Variants in RMND1 observed in about 807,000 individuals in gnomAD.
RMND1 encodes the protein required for meiotic nuclear division 1 homolog, also known as required for meiotic nuclear division protein 1 homolog.
Under a neutral mutation model 54.0 loss-of-function variants are expected in RMND1, and 41 were observed. That is an observed-to-expected ratio of 0.76 (90% CI 0.59 to 0.98). The LOEUF (loss-of-function observed/expected upper bound fraction) is 0.98, where lower values mean the gene tolerates loss of function less well. RMND1 is among the 50% of genes least tolerant of loss of function. The pLI, the probability that RMND1 is intolerant of heterozygous loss-of-function variation, is 0.00. For missense variants in RMND1, 457 were observed against 532.0 expected, an observed-to-expected ratio of 0.86 and a Z score of 1.39; for synonymous variants, 183 against 181.7, an observed-to-expected ratio of 1.01 and a Z score of -0.06.
chr6:151,410,263 G>C lies in RMND1; in HGVS notation c.1201-4427C>G, dbSNP rs184976781. Among the ~76,000 whole-genome samples, 5 of 152,044 alleles carry C rather than the reference G, an allele frequency of 3.3e-5. No individual in the cohort carries two copies. In the East Asian group the frequency reaches 7.7e-4, roughly 23 times the overall value. ...GTAGAGACGGGGTCTCACCATGTTA[G>C]CCAGGATGGTCTGGATCTCCTGACC... On this transcript the variant is annotated intron_variant, in intron 10 of 11. Coordinates refer to ENST00000444024, the MANE Select transcript of RMND1 (RefSeq NM_017909.4).
chr6:151,446,795 A>T (rs1238525279), intron 1 of RMND1, among the ~76,000 whole-genome samples: 1 of 152,006 alleles, frequency 6.6e-6, no homozygotes, highest in Non-Finnish European at 1.5e-5. Flanking sequence ...CCAGCTACTC[A>T]GGTGGCTGAG....
intron 1 of RMND1, 40 bp from the exon 2 acceptor site, chr6:151,445,865 A>G: frequency 6.8e-7 from 1 of 1,463,426 alleles, no homozygotes; most frequent in South Asian, 1.4e-5. Context: ...TTTTAAATTA[A>G]TGTTTAAAAC....
In RMND1 at chr6:151,436,471, A is replaced by C; in HGVS notation, c.588T>G (p.Tyr196Ter). The C allele has an allele frequency of 1.9e-6, 3 of 1,614,048 alleles. No homozygotes were observed. Among genetic ancestry groups the C allele is most frequent in the Non-Finnish European group, 1.7e-6 (2 of 1,179,902 alleles). The change falls in exon 3 of 12, where the codon TAT (tyrosine) becomes TAG (stop). Residue 196 changes from tyrosine (Y) to a stop codon, truncating the protein, a stop_gained. Coordinates refer to ENST00000444024, the MANE Select transcript of RMND1 (RefSeq NM_017909.4). LOFTEE classifies it high-confidence loss of function. Reference sequence around the variant, plus strand: ...CTCTAGGCAAGCTTGTTACTTCAACATATCCGTGGGAGGCCAGATCTTGAG... The same window carrying C: ...CTCTAGGCAAGCTTGTTACTTCAACCTATCCGTGGGAGGCCAGATCTTGAG... Reference protein sequence around the residue: ...NLSQDLASHGYVEVTSLPRDA... With the variant: ...NLSQDLASHG
At chr6:151,438,464 C>T (rs977375206) in intron 2 of RMND1, among the ~76,000 whole-genome samples, 1 of 152,206 alleles carries the variant, frequency 6.6e-6, no homozygotes, top group African/African-American at 2.4e-5. Flanking sequence ...CTTCCTGTAG[C>T]TGTACTGAAA....
In RMND1 at chr6:151,445,737, G is replaced by A. The variant is rs761280492; in HGVS notation, c.75C>T (p.Ile25=). ...ILSKAHQCRR[I]GHLMLKPLKE... is the part of the protein sequence containing the mutation. ...TAAGTGGTTTTAACATTAGATGACCGATTCTTCGGCACTGATGTGCTTTTG... is the reference window on the plus strand; with the variant it reads ...TAAGTGGTTTTAACATTAGATGACCAATTCTTCGGCACTGATGTGCTTTTG... Residue 25 remains isoleucine (I), a synonymous_variant, in exon 2 of 12, where the codon ATC becomes ATT. Coordinates refer to ENST00000444024, the MANE Select transcript of RMND1 (RefSeq NM_017909.4). 10 of 1,613,904 alleles carry A rather than the reference G, an allele frequency of 6.2e-6. No homozygotes were observed. The highest frequency in any genetic ancestry group is 1.7e-6 in the Non-Finnish European group (2 of 1,179,988).
At position 151,423,628 on chromosome 6, in the gene RMND1, TC is replaced by T. The variant is rs781447698; in HGVS notation, c.833del (p.Gly278AspfsTer12). ...NEELNYIKIE[G>X]QSKLHRGEIK... Reference sequence around the variant, plus strand: ...TTTCCCCCCTGTGAAGTTTTGACTGTCCCCTGTGAAAAGCAAAAAGATAATA... The same window carrying T: ...TTTCCCCCCTGTGAAGTTTTGACTGTCCCTGTGAAAAGCAAAAAGATAATA... On this transcript the variant is annotated frameshift_variant and splice_region_variant, in exon 7 of 12. Coordinates refer to ENST00000444024, the MANE Select transcript of RMND1 (RefSeq NM_017909.4). LOFTEE classifies it high-confidence loss of function. 1 of 1,608,516 alleles carries T rather than the reference TC, an allele frequency of 6.2e-7. No individual in the cohort carries two copies. The highest frequency in any genetic ancestry group is 1.1e-5 in the South Asian group (1 of 90,970).
chr6:151,411,777 A>G (rs1348781068), intron 10 of RMND1: 2 of 152,182 alleles, frequency 1.3e-5, no homozygotes, highest in African/African-American at 4.8e-5. Flanking sequence ...TCAGAACACA[A>G]TGAGATCAGT....
chr6:151,446,141 G>A (rs955318623), intron 1 of RMND1: 3 of 229,168 alleles, frequency 1.3e-5, no homozygotes, highest in East Asian at 1.0e-4. Context: ...AATCTGTGCT[G>A]GCCAGGCACT....
In RMND1 at chr6:151,445,783, G is replaced by A. The variant is rs756891626; in HGVS notation, c.29C>T (p.Ala10Val). The change falls in exon 2 of 12, where the codon GCC (alanine) becomes GTC (valine). Residue 10 changes from alanine (A) to valine (V), a missense_variant. Coordinates refer to ENST00000444024, the MANE Select transcript of RMND1 (RefSeq NM_017909.4). The stretch of plus-strand genomic sequence containing the variant: ...TTTTGATAATATATGATGAGATCTG[G>A]CCACGGCTCTGAGGAGTGTGGCTGG... MPATLLRAVARSHHILSKAH... is the reference protein window; with the variant it reads MPATLLRAVVRSHHILSKAH... The A allele has an allele frequency of 1.5e-5, 24 of 1,611,766 alleles. No homozygotes were observed. Among genetic ancestry groups the A allele is most frequent in the Non-Finnish European group, 2.0e-5 (24 of 1,179,444 alleles).
chr6:151,438,559 C>T (rs1780680705), intron 2 of RMND1, among the ~76,000 whole-genome samples: 1 of 152,178 alleles, frequency 6.6e-6, no homozygotes, highest in African/African-American at 2.4e-5. Context: ...TGACCTACAT[C>T]ACGTTTCTAA....
rs1780182346 is a variant in RMND1 at position 151,422,571 on chromosome 6, T to C, written c.972A>G (p.Lys324=). ...KLAIWEASLD[K]FIESIQSIPE... ...GAATTGACTGAATAGATTCAATAAA[T>C]TTATCCAGTGATGCTTCCCAAATTG... The change falls in exon 8 of 12, where the codon AAA becomes AAG. Residue 324 remains lysine (K), a synonymous_variant. Transcript: ENST00000444024. 1 of 1,543,442 alleles carries C rather than the reference T, an allele frequency of 6.5e-7. No individual in the cohort carries two copies. The highest frequency in any genetic ancestry group is 1.4e-5 in the African/African-American group (1 of 72,862).
At chr6:151,435,805 T>C (rs1043502727) in intron 3 of RMND1, among the ~76,000 whole-genome samples, 3 of 151,404 alleles carry the variant, frequency 2.0e-5, no homozygotes, top group Admixed American at 6.6e-5. Context: ...ATGGTTCTTC[T>C]ATAAGACTAA....
rs535988262 is a variant in RMND1 at position 151,435,254 on chromosome 6, T to G, written c.613+1192A>C. 2.1e-4 allele frequency among the ~76,000 whole-genome samples: 32 copies of G among 152,208 alleles called. No homozygotes were observed. The East Asian group carries it at 6.0e-3, about 29-fold the overall frequency. On this transcript the variant is annotated intron_variant, in intron 3 of 11. Transcript: ENST00000444024. ...TCCACCCTCCAGGTTCAAGCAATTCTTGTGTCTCAGTCTCCCAAGTAGCTG... is the reference window on the plus strand; with the variant it reads ...TCCACCCTCCAGGTTCAAGCAATTCGTGTGTCTCAGTCTCCCAAGTAGCTG...
At chr6:151,408,171 C>T (rs992692405) in intron 10 of RMND1, among the ~76,000 whole-genome samples, 2 of 152,066 alleles carry the variant, frequency 1.3e-5, no homozygotes, top group African/African-American at 4.8e-5. Flanking sequence ...TTGTGGACAA[C>T]CTAGAAGAAA....
chr6:151,427,366 A>T (rs533042446), intron 6 of RMND1, 116 bp downstream of exon 6: 80 of 559,040 alleles, frequency 1.4e-4, no homozygotes, highest in Non-Finnish European at 2.2e-4. Flanking sequence ...ACAGAGTGAG[A>T]CTCCGTCTCA....
intron 7 of RMND1, among the ~76,000 whole-genome samples, chr6:151,423,296 A>C (rs930362549): frequency 6.6e-6 from 1 of 152,228 alleles, no homozygotes; most frequent in Non-Finnish European, 1.5e-5. Flanking sequence ...CATCTAAAAA[A>C]TACTTTTGGA....
At chr6:151,423,955 C>T (rs1780222472) in intron 6 of RMND1, among the ~76,000 whole-genome samples, 1 of 151,352 alleles carries the variant, frequency 6.6e-6, no homozygotes, top group Non-Finnish European at 1.5e-5. Context: ...TCAAGCGATT[C>T]TCCTGCCTCA....
At chr6:151,415,910 CGG>C (rs1779991468) in intron 10 of RMND1, among the ~76,000 whole-genome samples, 1 of 151,774 alleles carries the variant, frequency 6.6e-6, no homozygotes, top group Non-Finnish European at 1.5e-5. Flanking sequence ...AGGGACAGTC[CGG>C]GTAGGGGGAG....
chr6:151,410,234 T>C (rs1298527760), intron 10 of RMND1, among the ~76,000 whole-genome samples: 1 of 152,048 alleles, frequency 6.6e-6, no homozygotes, highest in Non-Finnish European at 1.5e-5. Context: ...TTTTTGTATT[T>C]TTAGTAGAGA....
Sources: allele counts gnomAD v4.1 joint callset (sites outside exome capture counted in the v4.1 genomes callset), GRCh38; gene constraint gnomAD v4.1.1; transcripts MANE v1.5; gene names NCBI Gene and HGNC (gene_info 2026-07-23, HGNC 2026-07-21).